The following PDE4B variants were observed in gnomAD, a reference collection of about 807,000 sequenced individuals.
The protein encoded by PDE4B is phosphodiesterase 4B.
A neutral mutation model predicts 82.2 loss-of-function variants in PDE4B; 20 were observed. That is an observed-to-expected ratio of 0.24 (90% CI 0.17 to 0.35). The LOEUF (loss-of-function observed/expected upper bound fraction) is 0.35, where lower values mean the gene tolerates loss of function less well. Among genes scored for constraint, PDE4B ranks in the 10% least tolerant of loss-of-function variants. PDE4B has a pLI of 1.00. For synonymous variants in PDE4B, 320 were observed against 318.9 expected (o/e 1.00, Z -0.04); for missense variants, 655 against 907.2 (o/e 0.72, Z 3.57).
At chr1:65,945,859 G>C (rs951636233) in intron 3 of PDE4B, among the ~76,000 whole-genome samples, 1 of 151,928 alleles carries the variant, frequency 6.6e-6, no homozygotes, top group African/African-American at 2.4e-5. Context: ...CACTCTCATA[G>C]GTTCATCCAT....
chr1:65,862,311 T>C (rs962629189), intron 1 of PDE4B, among the ~76,000 whole-genome samples: 5 of 152,184 alleles, frequency 3.3e-5, no homozygotes, highest in Admixed American at 6.5e-5. Context: ...GATAATAATA[T>C]GGTTTTTGTT....
intron 7 of PDE4B, among the ~76,000 whole-genome samples, chr1:66,275,316 C>A (rs563925458): frequency 6.6e-6 from 1 of 152,278 alleles, no homozygotes; most frequent in South Asian, 2.1e-4. Flanking sequence ...ATAGGTGTTA[C>A]AACCCAGGAA....
At chr1:66,010,252 T>C (rs902697362) in intron 3 of PDE4B, among the ~76,000 whole-genome samples, 6 of 151,856 alleles carry the variant, frequency 4.0e-5, no homozygotes, top group African/African-American at 7.2e-5. Context: ...AATAAAATAG[T>C]AAAAATAACT....
At chr1:66,288,226 T>A (rs1336457546) in intron 7 of PDE4B, among the ~76,000 whole-genome samples, 2 of 151,824 alleles carry the variant, frequency 1.3e-5, no homozygotes, top group South Asian at 2.1e-4. Context: ...GAGGGCAAGG[T>A]GCCACACTTT....
intron 1 of PDE4B, among the ~76,000 whole-genome samples, chr1:65,882,247 C>CT (rs1268902478): frequency 1.3e-5 from 2 of 152,180 alleles, no homozygotes; most frequent in Non-Finnish European, 2.9e-5. Context: ...CAGTGTGCAT[C>CT]TGTTGCTGAC....
intron 8 of PDE4B, among the ~76,000 whole-genome samples, chr1:66,339,900 T>C (rs1570726691): frequency 1.3e-5 from 2 of 151,732 alleles, no homozygotes; most frequent in South Asian, 4.1e-4. Flanking sequence ...CTAGGTTGTA[T>C]GCCATTGTTG....
intron 3 of PDE4B, among the ~76,000 whole-genome samples, chr1:66,078,943 C>A (rs932091390): frequency 1.1e-4 from 16 of 152,142 alleles, no homozygotes; most frequent in African/African-American, 3.9e-4. Context: ...CCCAATCTAA[C>A]CCCCACAATC....
rs182898065 is a variant in PDE4B, at chr1:66,323,778, G to A, written c.635-8730G>A. Among the ~76,000 whole-genome samples the A allele has an allele frequency of 5.1e-3, 776 of 152,282 alleles. 3 individuals carry two copies. Among genetic ancestry groups the A allele is most frequent in the Admixed American group, 0.012 (184 of 15,286 alleles). ...TCTTATGTAACAAAGTTTTATAACA[G>A]TAAGTGGTGGTACTGGAATATGAAC... On this transcript the variant is annotated intron_variant, in intron 7 of 16. Coordinates refer to ENST00000341517, the MANE Select transcript of PDE4B (RefSeq NM_002600.4).
At chr1:65,926,608 C>G (rs1432328420) in intron 3 of PDE4B, among the ~76,000 whole-genome samples, 1 of 152,148 alleles carries the variant, frequency 6.6e-6, no homozygotes, top group African/African-American at 2.4e-5. Context: ...TGTTTTATCT[C>G]CCTTTCAGAA....
chr1:66,238,164 T>C (rs1464233244), intron 3 of PDE4B, among the ~76,000 whole-genome samples: 1 of 152,080 alleles, frequency 6.6e-6, no homozygotes, highest in African/African-American at 2.4e-5. Context: ...ACTCGACAAA[T>C]ATTTATGTAG....
chr1:66,267,653 G>A (rs1655152709), intron 7 of PDE4B: 1 of 152,084 alleles, frequency 6.6e-6, no homozygotes, highest in African/African-American at 2.4e-5. Context: ...AAACAATGGA[G>A]CAAAGAAATG....
intron 1 of PDE4B, among the ~76,000 whole-genome samples, chr1:65,827,158 G>A (rs1419670833): frequency 2.2e-4 from 33 of 152,014 alleles, no homozygotes; most frequent in Admixed American, 2.2e-3. Context: ...ACATTTAGCA[G>A]AACAAAAGGC....
At chr1:65,988,639 T>TC (rs1172922909) in intron 3 of PDE4B, among the ~76,000 whole-genome samples, 2 of 151,962 alleles carry the variant, frequency 1.3e-5, no homozygotes, top group Non-Finnish European at 2.9e-5. Context: ...TTAAAGATTT[T>TC]TTTTTAAAAG....
intron 3 of PDE4B, among the ~76,000 whole-genome samples, chr1:66,226,061 T>A (rs1030257374): frequency 6.6e-6 from 1 of 152,250 alleles, no homozygotes. Context: ...GGAAGTGAAG[T>A]TGTGCAGTGC....
At chr1:66,221,935 G>T (rs958321750) in intron 3 of PDE4B, among the ~76,000 whole-genome samples, 1 of 151,648 alleles carries the variant, frequency 6.6e-6, no homozygotes, top group Admixed American at 6.6e-5. Flanking sequence ...ATTAGGATGA[G>T]TTTTGGCTGA....
chr1:66,139,369 T>G (rs2101138294), intron 3 of PDE4B, among the ~76,000 whole-genome samples: 1 of 152,308 alleles, frequency 6.6e-6, no homozygotes, highest in Non-Finnish European at 1.5e-5. Flanking sequence ...TCCTTAATAC[T>G]GGCCAGTTTC....
intron 3 of PDE4B, among the ~76,000 whole-genome samples, chr1:66,083,991 A>T (rs1177066043): frequency 6.6e-6 from 1 of 152,158 alleles, no homozygotes; most frequent in Non-Finnish European, 1.5e-5. Context: ...CCTGAAGTGT[A>T]TACATAATAC....
At chr1:65,845,143 G>A (rs1646254325) in intron 1 of PDE4B, among the ~76,000 whole-genome samples, 1 of 152,108 alleles carries the variant, frequency 6.6e-6, no homozygotes, top group South Asian at 2.1e-4. Flanking sequence ...TCATTCTCTG[G>A]ATAATGTCCC....
At chr1:65,838,623 A>G (rs1646172251) in intron 1 of PDE4B, among the ~76,000 whole-genome samples, 1 of 148,838 alleles carries the variant, frequency 6.7e-6, no homozygotes, top group East Asian at 1.9e-4. Context: ...GTGTATATAT[A>G]TGTGTGTATA....
Sources: gnomAD v4.1 joint callset for allele counts (sites outside exome capture counted in the v4.1 genomes callset) on GRCh38, gnomAD v4.1.1 for gene constraint, MANE v1.5 for transcripts, NCBI Gene and HGNC (gene_info 2026-07-23, HGNC 2026-07-21) for gene names.